Variants in TAFA4 observed in about 807,000 individuals in gnomAD.
The protein encoded by TAFA4 is TAFA chemokine like family member 4.
Under a neutral mutation model 21.1 loss-of-function variants are expected in TAFA4, and 20 were observed. The ratio of observed to expected loss-of-function variants is 0.95; its 90% CI spans 0.67 to 1.38. The LOEUF is 1.38. Among genes scored for constraint, TAFA4 ranks in the 40% most tolerant of loss-of-function variants. The pLI is 0.00. For missense variants in TAFA4, 211 were observed against 180.9 expected, an observed-to-expected ratio of 1.17 and a Z score of -0.95; for synonymous variants, 71 against 67.4, an observed-to-expected ratio of 1.05 and a Z score of -0.26.
intron 3 of TAFA4, among the ~76,000 whole-genome samples, chr3:68,764,242 G>T (rs911779958): frequency 3.2e-4 from 49 of 152,090 alleles, no homozygotes; most frequent in African/African-American, 1.0e-3. Context: ...TACCCCCACA[G>T]AGAAAGAGGC....
intron 3 of TAFA4, among the ~76,000 whole-genome samples, chr3:68,758,189 T>G (rs75547586): frequency 0.017 from 2,617 of 152,310 alleles, 77 homozygotes; most frequent in African/African-American, 0.06. Context: ...TAGCTCAGTT[T>G]CCCACTGACA....
chr3:68,896,800 C>G (rs936794889), intron 1 of TAFA4, among the ~76,000 whole-genome samples: 1 of 152,196 alleles, frequency 6.6e-6, no homozygotes, highest in Non-Finnish European at 1.5e-5. Context: ...TGGGAGCAAA[C>G]TACCATATGG....
intron 2 of TAFA4, 108 bp from the exon 3 acceptor site, chr3:68,880,953 G>A: frequency 1.3e-6 from 1 of 747,574 alleles, no homozygotes; most frequent in Non-Finnish European, 2.2e-6. Flanking sequence ...CCCTGGAGCT[G>A]GAATTCCTTT....
At chr3:68,923,587 T>G (rs2090079779) in intron 1 of TAFA4, among the ~76,000 whole-genome samples, 1 of 152,166 alleles carries the variant, frequency 6.6e-6, no homozygotes, top group South Asian at 2.1e-4. Context: ...GAGGCAGCAC[T>G]AATATTAACA....
intron 3 of TAFA4, among the ~76,000 whole-genome samples, chr3:68,857,315 G>A (rs6765918): frequency 0.11 from 16,579 of 152,076 alleles, 1,230 homozygotes; most frequent in African/African-American, 0.21. Context: ...GACTATCATG[G>A]CCTGCTGATT....
At chr3:68,891,363 T>C (rs1187249573) in intron 1 of TAFA4, among the ~76,000 whole-genome samples, 1 of 152,180 alleles carries the variant, frequency 6.6e-6, no homozygotes, top group Non-Finnish European at 1.5e-5. Flanking sequence ...ACACTGCCCT[T>C]TCCCGCCTGC....
At chr3:68,867,186 G>A (rs2089430679) in intron 3 of TAFA4, among the ~76,000 whole-genome samples, 1 of 152,062 alleles carries the variant, frequency 6.6e-6, no homozygotes, top group East Asian at 1.9e-4. Flanking sequence ...AGCAACATGA[G>A]GAAAGCAGCT....
At chr3:68,855,153 A>C (rs1433498766) in intron 3 of TAFA4, among the ~76,000 whole-genome samples, 3 of 152,220 alleles carry the variant, frequency 2.0e-5, no homozygotes, top group Non-Finnish European at 2.9e-5. Flanking sequence ...ACTCAAAACT[A>C]AATGTTTCTA....
At chr3:68,870,630 T>G (rs994962233) in intron 3 of TAFA4, among the ~76,000 whole-genome samples, 2 of 152,132 alleles carry the variant, frequency 1.3e-5, no homozygotes, top group African/African-American at 4.8e-5. Context: ...GCAGGTTTGT[T>G]ACATAGGTAT....
Position 68,833,019 on chromosome 3 carries a change from A to C in TAFA4, c.130+47711T>G, listed in dbSNP as rs185764918. On this transcript the variant is annotated intron_variant, in intron 3 of 5. Transcript: ENST00000295569. ...GCATGGGACGTGCCAAGCCAGGCAC[A>C]GGAGGGAACCTCCTGGTCTGCCTGT... 6.2e-3 allele frequency among the ~76,000 whole-genome samples: 943 copies of C among 152,380 alleles called. 9 individuals carry two copies. Among genetic ancestry groups the C allele is most frequent in the African/African-American group, 0.022 (912 of 41,592 alleles).
rs1704555509 is a variant in TAFA4 at position 68,837,683 on chromosome 3, T to G, written c.130+43047A>C. Among the ~76,000 whole-genome samples, 3 of 152,142 alleles carry G rather than the reference T, an allele frequency of 2.0e-5. No individual in the cohort carries two copies. The South Asian group carries it at 6.2e-4, about 32-fold the overall frequency. On this transcript the variant is annotated intron_variant, in intron 3 of 5. Coordinates refer to ENST00000295569, the MANE Select transcript of TAFA4 (RefSeq NM_182522.5). ...CCCTAGGATATCACTTTAGAAATAT[T>G]ATTTTTAAAAAGTACACTTATATAT...
At chr3:68,835,143 A>G (rs1290169818) in intron 3 of TAFA4, among the ~76,000 whole-genome samples, 1 of 151,866 alleles carries the variant, frequency 6.6e-6, no homozygotes, top group Non-Finnish European at 1.5e-5. Flanking sequence ...CCTGGCCCCC[A>G]GTTATCTTTA....
chr3:68,911,549 C>A (rs536920654), intron 1 of TAFA4, among the ~76,000 whole-genome samples: 7 of 152,304 alleles, frequency 4.6e-5, no homozygotes, highest in Middle Eastern at 6.8e-3. Context: ...CCACACAAAT[C>A]GCCCAAACCA....
At chr3:68,822,475 T>TTC (rs374346953) in intron 3 of TAFA4, among the ~76,000 whole-genome samples, 173 of 152,060 alleles carry the variant, frequency 1.1e-3, no homozygotes, top group African/African-American at 3.8e-3. Flanking sequence ...AATTCTTTTT[T>TTC]TCTCTCTCTC....
At position 68,925,799 on chromosome 3, in the gene TAFA4, A is replaced by G. The variant is rs36099229; in HGVS notation, c.-123+6441T>C. On this transcript the variant is annotated intron_variant, in intron 1 of 5. Coordinates refer to ENST00000295569, the MANE Select transcript of TAFA4 (RefSeq NM_182522.5). The stretch of plus-strand genomic sequence containing the variant: ...GGGTCTCATGTAAAATGATCACCAC[A>G]ACGTAGGAGGTCTCTACAGGCAAGG... 6.5e-3 allele frequency among the ~76,000 whole-genome samples: 984 copies of G among 152,294 alleles called. 1 individual carries two copies. The highest frequency in any genetic ancestry group is 9.6e-3 in the Non-Finnish European group (653 of 68,016).
chr3:68,799,110 C>A (rs1239926708), intron 3 of TAFA4, among the ~76,000 whole-genome samples: 1 of 152,104 alleles, frequency 6.6e-6, no homozygotes, highest in Non-Finnish European at 1.5e-5. Flanking sequence ...TAATGTCCCC[C>A]CTCCCTCAAG....
At chr3:68,830,837 G>T (rs1205010758) in intron 3 of TAFA4, among the ~76,000 whole-genome samples, 2 of 152,168 alleles carry the variant, frequency 1.3e-5, no homozygotes, top group African/African-American at 2.4e-5. Context: ...CTCTTTGTAG[G>T]TCTCTAAGGA....
chr3:68,850,921 C>CA (rs1459664190), intron 3 of TAFA4, among the ~76,000 whole-genome samples: 2 of 152,014 alleles, frequency 1.3e-5, no homozygotes, highest in Non-Finnish European at 2.9e-5. Flanking sequence ...CTTTTGTAGC[C>CA]ATTGCTTTTG....
chr3:68,733,922 G>T (rs1702195958), intron 5 of TAFA4, among the ~76,000 whole-genome samples: 1 of 152,004 alleles, frequency 6.6e-6, no homozygotes, highest in African/African-American at 2.4e-5. Flanking sequence ...CTCCCCTTTT[G>T]TTTGTGCTGG....
Sources: allele counts gnomAD v4.1 joint callset (sites outside exome capture counted in the v4.1 genomes callset), GRCh38; gene constraint gnomAD v4.1.1; transcripts MANE v1.5; gene names NCBI Gene and HGNC (gene_info 2026-07-23, HGNC 2026-07-21).